Variants in MDGA2 observed in about 807,000 individuals in gnomAD.
MDGA2 encodes the protein MAM domain containing glycosylphosphatidylinositol anchor 2.
In MDGA2, 40 loss-of-function variants were observed where a neutral mutation model predicts 117.8. That is an observed-to-expected ratio of 0.34 (90% confidence interval 0.26 to 0.44). MDGA2 has a LOEUF of 0.44. Ranked by LOEUF, MDGA2 falls within the 20% of genes least tolerant of loss-of-function variation. The pLI, the probability that MDGA2 is intolerant of heterozygous loss-of-function variation, is 1.00. For missense variants in MDGA2, 1,123 were observed against 1,250.6 expected (o/e 0.90, Z 1.54); for synonymous variants, 452 against 439.0 (o/e 1.03, Z -0.37).
intron 1 of MDGA2, among the ~76,000 whole-genome samples, chr14:47,664,684 T>A (rs1897910090): frequency 6.6e-6 from 1 of 152,126 alleles, no homozygotes. Flanking sequence ...AGCACATACC[T>A]CTCTTTTCAC....
chr14:47,095,236 T>C (rs1268351870), intron 6 of MDGA2, among the ~76,000 whole-genome samples: 2 of 151,994 alleles, frequency 1.3e-5, no homozygotes, highest in African/African-American at 4.8e-5. Context: ...GAATGCCTCT[T>C]ACATTCAATA....
At chr14:47,339,570 A>T (rs564524617) in intron 1 of MDGA2, among the ~76,000 whole-genome samples, 1 of 152,210 alleles carries the variant, frequency 6.6e-6, no homozygotes, top group African/African-American at 2.4e-5. Context: ...TTGTTATAAT[A>T]AAAAGAACTA....
At chr14:46,852,085 G>A (rs989870585) in intron 15 of MDGA2, among the ~76,000 whole-genome samples, 1 of 151,704 alleles carries the variant, frequency 6.6e-6, no homozygotes, top group Non-Finnish European at 1.5e-5. Flanking sequence ...AAATGAAAGA[G>A]CGTCGATCAA....
At chr14:47,033,114 A>G (rs1888720578) in intron 8 of MDGA2, among the ~76,000 whole-genome samples, 1 of 152,166 alleles carries the variant, frequency 6.6e-6, no homozygotes, top group Admixed American at 6.5e-5. Context: ...GCCACTGTTT[A>G]TTGTCATTCC....
intron 2 of MDGA2, among the ~76,000 whole-genome samples, chr14:47,281,526 G>C (rs1426585416): frequency 6.6e-6 from 1 of 152,112 alleles, no homozygotes; most frequent in African/African-American, 2.4e-5. Context: ...CTTATCAAGA[G>C]GCACGTAGAG....
intron 1 of MDGA2, among the ~76,000 whole-genome samples, chr14:47,523,812 T>A (rs893780566): frequency 6.6e-6 from 1 of 152,232 alleles, no homozygotes; most frequent in African/African-American, 2.4e-5. Context: ...TATTAGAAGC[T>A]GCTTTTGCCT....
At chr14:47,320,624 T>C (rs558602697) in intron 1 of MDGA2, among the ~76,000 whole-genome samples, 94 of 152,242 alleles carry the variant, frequency 6.2e-4, no homozygotes, top group African/African-American at 2.2e-3. Flanking sequence ...CCTTCCTTTC[T>C]TCCTTTGAAT....
intron 10 of MDGA2, among the ~76,000 whole-genome samples, chr14:46,906,105 A>G (rs1469778891): frequency 6.6e-6 from 1 of 152,042 alleles, no homozygotes; most frequent in Admixed American, 6.5e-5. Context: ...GATATTGCAT[A>G]TTAAGCCACT....
At chr14:47,549,732 G>A (rs1182493901) in intron 1 of MDGA2, among the ~76,000 whole-genome samples, 1 of 152,102 alleles carries the variant, frequency 6.6e-6, no homozygotes, top group Non-Finnish European at 1.5e-5. Context: ...GTCCTTATAA[G>A]CAGAGACACC....
chr14:46,895,038 C>T lies in MDGA2; in HGVS notation c.2239-12817G>A, dbSNP rs144428477. ...CAGGTAGGTTTTCTAAGGACTACTA[C>T]AAAAATATCCAGGAGGTAGTAATAA... On this transcript the variant is annotated intron_variant, in intron 10 of 16. Transcript: ENST00000399232. Among the ~76,000 whole-genome samples, 8 of 152,232 alleles carry T rather than the reference C, an allele frequency of 5.3e-5. No homozygotes were observed. In the East Asian group the frequency reaches 9.7e-4, roughly 18 times the overall value.
chr14:47,614,506 C>T lies in MDGA2; in HGVS notation c.280+60011G>A, dbSNP rs150782043. Among the ~76,000 whole-genome samples the T allele has an allele frequency of 4.1e-4, 62 of 152,308 alleles. No individual in the cohort carries two copies. The East Asian group carries it at 5.2e-3, about 13-fold the overall frequency. ...GCCTTCCATTAATGTTATTTCCACA[C>T]TCGTGCTAACTCACAGATAAATTAT... On this transcript the variant is annotated intron_variant, in intron 1 of 16. Coordinates refer to ENST00000399232, the MANE Select transcript of MDGA2 (RefSeq NM_001113498.3).
intron 1 of MDGA2, among the ~76,000 whole-genome samples, chr14:47,665,186 C>T (rs1404744032): frequency 6.6e-6 from 1 of 152,168 alleles, no homozygotes; most frequent in Non-Finnish European, 1.5e-5. Flanking sequence ...TACCCACTTT[C>T]AAGTCTTAAC....
At chr14:47,521,731 G>A (rs923094572) in intron 1 of MDGA2, among the ~76,000 whole-genome samples, 2 of 152,130 alleles carry the variant, frequency 1.3e-5, no homozygotes, top group Non-Finnish European at 2.9e-5. Flanking sequence ...GAGTGCAATG[G>A]CACGGTCTCA....
At chr14:47,050,706 G>C (rs1370970850) in intron 7 of MDGA2, among the ~76,000 whole-genome samples, 1 of 151,972 alleles carries the variant, frequency 6.6e-6, no homozygotes, top group African/African-American at 2.4e-5. Context: ...CAGGCAGCTA[G>C]GAGAAGGCAA....
chr14:46,902,599 A>ATAAGG (rs1349160008), intron 10 of MDGA2, among the ~76,000 whole-genome samples: 1 of 152,208 alleles, frequency 6.6e-6, no homozygotes, highest in Non-Finnish European at 1.5e-5. Context: ...AGCAACTGAA[A>ATAAGG]TAAGGTAAGC....
chr14:47,425,475 T>A (rs1024823959), intron 1 of MDGA2, among the ~76,000 whole-genome samples: 2 of 152,154 alleles, frequency 1.3e-5, no homozygotes, highest in African/African-American at 4.8e-5. Context: ...GTGATTATGA[T>A]GTCAGTTAAA....
chr14:47,068,350 C>T (rs7146407), intron 6 of MDGA2, among the ~76,000 whole-genome samples: 139,446 of 150,210 alleles, frequency 0.93, 64,790 homozygotes, highest in East Asian at 1. Context: ...AAAATAATAA[C>T]ATAATTATTA....
intron 3 of MDGA2, among the ~76,000 whole-genome samples, chr14:47,197,941 C>G (rs776654236): frequency 6.6e-6 from 1 of 152,020 alleles, no homozygotes; most frequent in African/African-American, 2.4e-5. Context: ...GCCAAGAAAG[C>G]TTATATTATT....
At chr14:47,315,983 C>T (rs1889798766) in intron 1 of MDGA2, among the ~76,000 whole-genome samples, 1 of 151,678 alleles carries the variant, frequency 6.6e-6, no homozygotes, top group Non-Finnish European at 1.5e-5. Flanking sequence ...TATAAAGTCT[C>T]CAATGATAAA....
Sources: gnomAD v4.1 joint callset for allele counts (sites outside exome capture counted in the v4.1 genomes callset) on GRCh38, gnomAD v4.1.1 for gene constraint, MANE v1.5 for transcripts, NCBI Gene and HGNC (gene_info 2026-07-23, HGNC 2026-07-21) for gene names.